Variants in TMEM132C observed in about 807,000 individuals in gnomAD.
TMEM132C encodes transmembrane protein 132C, also known as protein phosphatase 1, regulatory subunit 152.
Under a neutral mutation model 61.4 loss-of-function variants are expected in TMEM132C, and 29 were observed. The ratio of observed to expected loss-of-function variants is 0.47; its 90% CI spans 0.35 to 0.64. TMEM132C has a LOEUF of 0.64. Ranked by LOEUF, TMEM132C falls within the 30% of genes least tolerant of loss-of-function variation. TMEM132C has a pLI of 0.00. For missense variants in TMEM132C, 1,408 were observed against 1,476.9 expected (o/e 0.95, Z 0.76); for synonymous variants, 656 against 633.1 (o/e 1.04, Z -0.54).
chr12:128,390,167 G>A (rs564843617), intron 1 of TMEM132C, among the ~76,000 whole-genome samples: 4 of 152,240 alleles, frequency 2.6e-5, no homozygotes, highest in Middle Eastern at 3.4e-3. Flanking sequence ...CACCACACCC[G>A]GCAGGTTATT....
In TMEM132C at chr12:128,611,796, C is replaced by G. The variant is rs567052391; in HGVS notation, c.1122-4356C>G. On this transcript the variant is annotated intron_variant, in intron 3 of 8. Transcript: ENST00000435159. The stretch of plus-strand genomic sequence containing the variant: ...AAAAAAGCCTAGATTCCCAGCTTCT[C>G]TAGGAAAATCTTCTGCTCTCTAGTA... Among the ~76,000 whole-genome samples the G allele has an allele frequency of 2.6e-5, 4 of 152,176 alleles. No individual in the cohort carries two copies. The South Asian group carries it at 8.3e-4, about 32-fold the overall frequency.
At chr12:128,370,269 G>A (rs547230518) in intron 1 of TMEM132C, among the ~76,000 whole-genome samples, 8 of 152,260 alleles carry the variant, frequency 5.3e-5, no homozygotes, top group Admixed American at 2.0e-4. Context: ...TTTCCTCTGA[G>A]CAACAGTCAT....
intron 1 of TMEM132C, among the ~76,000 whole-genome samples, chr12:128,384,101 GT>G (rs1450698305): frequency 6.6e-6 from 1 of 152,204 alleles, no homozygotes; most frequent in Non-Finnish European, 1.5e-5. Context: ...AGGTGGTCAG[GT>G]TCCAGAAAAG....
intron 1 of TMEM132C, among the ~76,000 whole-genome samples, chr12:128,300,829 G>A (rs1017995523): frequency 4.6e-5 from 7 of 152,170 alleles, no homozygotes; most frequent in African/African-American, 1.7e-4. Flanking sequence ...TTGAGGCTAG[G>A]AGCCTCAACA....
At chr12:128,400,773 T>G (rs1875129365) in intron 1 of TMEM132C, among the ~76,000 whole-genome samples, 1 of 152,018 alleles carries the variant, frequency 6.6e-6, no homozygotes, top group African/African-American at 2.4e-5. Context: ...CATACCTGGC[T>G]AATTTTTGCA....
intron 2 of TMEM132C, among the ~76,000 whole-genome samples, chr12:128,440,841 G>A (rs1453294510): frequency 6.6e-6 from 1 of 152,108 alleles, no homozygotes; most frequent in Non-Finnish European, 1.5e-5. Flanking sequence ...TTGAGATGAA[G>A]AGTTCAAGAC....
In TMEM132C at chr12:128,687,034, T is replaced by TA. The variant is rs200239545; in HGVS notation, c.1450-6788dup. On this transcript the variant is annotated intron_variant, in intron 5 of 8. Coordinates refer to ENST00000435159, the MANE Select transcript of TMEM132C (RefSeq NM_001136103.3). Reference sequence around the variant, plus strand: ...CAACACGGTGAAACCTCATCTTTACTAAAAAAACAGTACAAAAATTAGGCG... The same window carrying TA: ...CAACACGGTGAAACCTCATCTTTACTAAAAAAAACAGTACAAAAATTAGGCG... Among the ~76,000 whole-genome samples the TA allele has an allele frequency of 5.2e-3, 784 of 151,670 alleles. 7 individuals carry two copies. Among genetic ancestry groups the TA allele is most frequent in the African/African-American group, 0.017 (706 of 41,340 alleles).
intron 4 of TMEM132C, among the ~76,000 whole-genome samples, chr12:128,640,296 G>A (rs1470690491): frequency 2.0e-5 from 3 of 152,216 alleles, no homozygotes; most frequent in Non-Finnish European, 4.4e-5. Context: ...CAGTCACTCA[G>A]CAATAAAAAT....
intron 3 of TMEM132C, among the ~76,000 whole-genome samples, chr12:128,608,641 G>T (rs981391192): frequency 2.0e-5 from 3 of 152,212 alleles, no homozygotes; most frequent in Non-Finnish European, 2.9e-5. Context: ...ACACTTCTGT[G>T]TACAGCAGTA....
chr12:128,323,652 A>C (rs543677681), intron 1 of TMEM132C, among the ~76,000 whole-genome samples: 2 of 152,228 alleles, frequency 1.3e-5, no homozygotes, highest in Admixed American at 1.3e-4. Flanking sequence ...GGCTTTGCCA[A>C]TAAGCACGGT....
At chr12:128,529,335 T>C (rs977769673) in intron 2 of TMEM132C, among the ~76,000 whole-genome samples, 1 of 151,978 alleles carries the variant, frequency 6.6e-6, no homozygotes, top group African/African-American at 2.4e-5. Flanking sequence ...TTAAAGGAAA[T>C]GCAAAGGATA....
chr12:128,336,062 A>G (rs532400022), intron 1 of TMEM132C, among the ~76,000 whole-genome samples: 4 of 152,292 alleles, frequency 2.6e-5, no homozygotes, highest in South Asian at 2.1e-4. Flanking sequence ...GTAATTTTCC[A>G]TTATCATTTT....
chr12:128,340,304 T>G (rs1872914914), intron 1 of TMEM132C, among the ~76,000 whole-genome samples: 1 of 152,220 alleles, frequency 6.6e-6, no homozygotes, highest in African/African-American at 2.4e-5. Context: ...GTCTTCTGCC[T>G]AATTTTGCTT....
At chr12:128,691,647 C>G (rs1954720162) in intron 5 of TMEM132C, among the ~76,000 whole-genome samples, 1 of 152,252 alleles carries the variant, frequency 6.6e-6, no homozygotes, top group African/African-American at 2.4e-5. Context: ...CATTTATCCA[C>G]CAGCCATTCA....
At chr12:128,404,360 C>T (rs144455462) in intron 1 of TMEM132C, 116 of 152,354 alleles carry the variant, frequency 7.6e-4, no homozygotes, top group African/African-American at 2.5e-3. Flanking sequence ...TCCCACTCCT[C>T]ACATGCTGGG....
At chr12:128,444,338 C>T (rs1229687303) in intron 2 of TMEM132C, among the ~76,000 whole-genome samples, 3 of 152,206 alleles carry the variant, frequency 2.0e-5, no homozygotes, top group African/African-American at 7.2e-5. Flanking sequence ...TCATTTCCAG[C>T]CATAGCTGTG....
At chr12:128,384,435 A>G (rs1369020984) in intron 1 of TMEM132C, among the ~76,000 whole-genome samples, 3 of 152,170 alleles carry the variant, frequency 2.0e-5, no homozygotes, top group African/African-American at 4.8e-5. Context: ...CAGATGAAGA[A>G]GGGTCAAGAG....
At position 128,524,029 on chromosome 12, in the gene TMEM132C, A is replaced by G. The variant is rs1873002804; in HGVS notation, c.975-19928A>G. ...CGCCATCTCAAAAAAAAAAAAAAAA[A>G]AAAAAAAAGCTTGAGTCGTGGTGCA... On this transcript the variant is annotated intron_variant, in intron 2 of 8. Coordinates refer to ENST00000435159, the MANE Select transcript of TMEM132C (RefSeq NM_001136103.3). Among the ~76,000 whole-genome samples the G allele has an allele frequency of 1.3e-5, 2 of 151,650 alleles. 1 individual carries two copies. Among genetic ancestry groups the G allele is most frequent in the Admixed American group, 1.3e-4 (2 of 15,234 alleles).
intron 1 of TMEM132C, among the ~76,000 whole-genome samples, chr12:128,311,257 C>A (rs548594403): frequency 6.6e-6 from 1 of 152,362 alleles, no homozygotes; most frequent in South Asian, 2.1e-4. Flanking sequence ...GTACTTCTTT[C>A]TAGCCACCCC....
Sources: gnomAD v4.1 joint callset for allele counts (sites outside exome capture counted in the v4.1 genomes callset) on GRCh38, gnomAD v4.1.1 for gene constraint, MANE v1.5 for transcripts, NCBI Gene and HGNC (gene_info 2026-07-23, HGNC 2026-07-21) for gene names.